The following TOX variants were observed in gnomAD, a reference collection of about 807,000 sequenced individuals.
TOX encodes thymocyte selection-associated high mobility group box protein TOX.
Under a neutral mutation model 53.7 loss-of-function variants are expected in TOX, and 11 were observed. That is an observed-to-expected ratio of 0.20 (90% CI 0.13 to 0.34). The LOEUF (loss-of-function observed/expected upper bound fraction) is 0.34. TOX is among the 10% of genes least tolerant of loss of function. The pLI is 1.00. For missense variants in TOX, 570 were observed against 664.6 expected, an observed-to-expected ratio of 0.86 and a Z score of 1.56; for synonymous variants, 225 against 245.3, an observed-to-expected ratio of 0.92 and a Z score of 0.77.
chr8:58,911,861 C>A lies in TOX; in HGVS notation c.411+27441G>T, dbSNP rs1045576537. On this transcript the variant is annotated intron_variant, in intron 3 of 8. Transcript: ENST00000361421. ...GGGATTACAGGTGCATGCTACCATG[C>A]CCAGCGACTTTTGTATTTTTAGTGG... Among the ~76,000 whole-genome samples, 4 of 152,266 alleles carry A rather than the reference C, an allele frequency of 2.6e-5. No individual in the cohort carries two copies. In the East Asian group the frequency reaches 7.7e-4, roughly 29 times the overall value.
At chr8:59,081,435 T>C (rs936144305) in intron 1 of TOX, among the ~76,000 whole-genome samples, 1 of 152,194 alleles carries the variant, frequency 6.6e-6, no homozygotes, top group Non-Finnish European at 1.5e-5. Context: ...AATGTAGGTA[T>C]GGCTTCTACA....
rs199512741 is a variant in TOX at position 58,851,818 on chromosome 8, A to G, written c.412-13T>C. The G allele has an allele frequency of 4.8e-6, 6 of 1,252,060 alleles. No individual in the cohort carries two copies. The highest frequency in any genetic ancestry group is 6.1e-6 in the Non-Finnish European group (6 of 987,280). 77.6% of individuals were successfully genotyped at this position (1,252,060 alleles called of 1,614,324 possible). ...GTATATCTGGCATCTACAATAAATAAATAAATAAATAAATAAATAAATAAA... is the reference window on the plus strand; with the variant it reads ...GTATATCTGGCATCTACAATAAATAGATAAATAAATAAATAAATAAATAAA... On this transcript the variant is annotated splice_polypyrimidine_tract_variant and intron_variant, in intron 3 of 8. Coordinates refer to ENST00000361421, the MANE Select transcript of TOX (RefSeq NM_014729.3). The surrounding 1 kb of genome is among the most constrained non-coding windows in gnomAD (Gnocchi z 4.4).
intron 1 of TOX, among the ~76,000 whole-genome samples, chr8:59,067,829 A>G (rs144849806): frequency 1.3e-5 from 2 of 152,222 alleles, no homozygotes; most frequent in Non-Finnish European, 2.9e-5. Flanking sequence ...CACACTAAAG[A>G]TTTTTCATAC....
chr8:59,030,706 A>G lies in TOX; in HGVS notation c.103-70698T>C, dbSNP rs149028093. 6.0e-3 allele frequency among the ~76,000 whole-genome samples: 913 copies of G among 152,238 alleles called. 9 individuals are homozygous for G. The highest frequency in any genetic ancestry group is 0.02 in the African/African-American group (851 of 41,532). ...CCCGAGGTCATTATCAAAGCATTCA[A>G]CATGTTCCAACGGTAATAAAACATG... On this transcript the variant is annotated intron_variant, in intron 1 of 8. Transcript: ENST00000361421.
intron 1 of TOX, among the ~76,000 whole-genome samples, chr8:58,984,643 T>C (rs560604658): frequency 2.6e-5 from 4 of 151,608 alleles, no homozygotes; most frequent in South Asian, 2.1e-4. Flanking sequence ...ATTAGCTGGG[T>C]GTGGTGGCGG....
intron 2 of TOX, among the ~76,000 whole-genome samples, chr8:58,943,141 C>A (rs867205565): frequency 7.9e-5 from 12 of 152,174 alleles, no homozygotes; most frequent in African/African-American, 2.7e-4. Flanking sequence ...ACCTCCTATC[C>A]CATAGTGACA....
intron 3 of TOX, among the ~76,000 whole-genome samples, chr8:58,865,423 T>A (rs1248524318): frequency 6.9e-6 from 1 of 145,316 alleles, no homozygotes; most frequent in Non-Finnish European, 1.5e-5. Context: ...ATCCTCGTAC[T>A]TTTTTTTTTT....
intron 1 of TOX, among the ~76,000 whole-genome samples, chr8:59,064,951 G>A (rs1273541691): frequency 6.6e-6 from 1 of 151,926 alleles, no homozygotes; most frequent in Admixed American, 6.6e-5. Flanking sequence ...CCCACTTGAG[G>A]GGGCTTTTTA....
At chr8:58,822,907 G>A (rs1810305511) in intron 6 of TOX, among the ~76,000 whole-genome samples, 1 of 152,234 alleles carries the variant, frequency 6.6e-6, no homozygotes, top group South Asian at 2.1e-4. Context: ...TCTGCCTAGA[G>A]ACTGTCTAGA....
intron 3 of TOX, among the ~76,000 whole-genome samples, chr8:58,935,148 A>G (rs1812321927): frequency 6.6e-6 from 1 of 152,208 alleles, no homozygotes; most frequent in Admixed American, 6.5e-5. Flanking sequence ...ATATCTAAAA[A>G]CAAAATTTCA....
At chr8:58,873,544 C>T (rs1006301156) in intron 3 of TOX, among the ~76,000 whole-genome samples, 1 of 152,068 alleles carries the variant, frequency 6.6e-6, no homozygotes, top group Non-Finnish European at 1.5e-5. Context: ...TCTTTTTAAC[C>T]AAGGAACTAC....
At chr8:58,983,847 C>T (rs1813272237) in intron 1 of TOX, among the ~76,000 whole-genome samples, 1 of 152,198 alleles carries the variant, frequency 6.6e-6, no homozygotes, top group Non-Finnish European at 1.5e-5. Context: ...AAATTTCCCA[C>T]TTGGGTTTGC....
intron 3 of TOX, among the ~76,000 whole-genome samples, chr8:58,936,183 G>A (rs1812341342): frequency 6.6e-6 from 1 of 152,148 alleles, no homozygotes; most frequent in Non-Finnish European, 1.5e-5. Flanking sequence ...GAAGGTTTTG[G>A]TCAAATCTCT....
chr8:58,987,723 C>T (rs1046357171), intron 1 of TOX, among the ~76,000 whole-genome samples: 1 of 152,132 alleles, frequency 6.6e-6, no homozygotes, highest in Admixed American at 6.5e-5. Context: ...GTGTTTAGCA[C>T]CTAACTGTGG....
At chr8:59,079,452 T>C (rs1182913729) in intron 1 of TOX, among the ~76,000 whole-genome samples, 1 of 152,150 alleles carries the variant, frequency 6.6e-6, no homozygotes, top group Non-Finnish European at 1.5e-5. Flanking sequence ...GGGACACTGC[T>C]CTTCACATGC....
intron 3 of TOX, among the ~76,000 whole-genome samples, chr8:58,934,979 T>C (rs374220989): frequency 2.4e-4 from 37 of 152,350 alleles, no homozygotes; most frequent in East Asian, 1.5e-3. Flanking sequence ...ATTTGTAAAA[T>C]TGGGATACTA....
intron 1 of TOX, among the ~76,000 whole-genome samples, chr8:59,051,749 G>A (rs1803794444): frequency 6.6e-6 from 1 of 152,136 alleles, no homozygotes; most frequent in Non-Finnish European, 1.5e-5. Flanking sequence ...TGGGGACTGA[G>A]TGTTTACACT....
chr8:58,833,612 G>A (rs769531679), intron 5 of TOX, among the ~76,000 whole-genome samples: 7 of 152,300 alleles, frequency 4.6e-5, no homozygotes, highest in South Asian at 2.1e-4. Context: ...GTTCCAGTCC[G>A]TGAAAGATAA....
chr8:58,869,605 C>T (rs2129169853), intron 3 of TOX, among the ~76,000 whole-genome samples: 1 of 152,134 alleles, frequency 6.6e-6, no homozygotes, highest in East Asian at 1.9e-4. Flanking sequence ...ACTGTTAACT[C>T]TCATAAACAC....
Sources: gnomAD v4.1 joint callset for allele counts (sites outside exome capture counted in the v4.1 genomes callset) on GRCh38, gnomAD v4.1.1 for gene constraint, Gnocchi (gnomAD v3.1) non-coding constraint, MANE v1.5 for transcripts, NCBI Gene and HGNC (gene_info 2026-07-23, HGNC 2026-07-21) for gene names.